The following CNTFR variants were observed in gnomAD, a reference collection of about 807,000 sequenced individuals.
CNTFR encodes ciliary neurotrophic factor receptor.
In CNTFR, 12 loss-of-function variants were observed where a neutral mutation model predicts 40.4. That is an observed-to-expected ratio of 0.30 (90% CI 0.19 to 0.48). The LOEUF (loss-of-function observed/expected upper bound fraction) is 0.48. Among genes scored for constraint, CNTFR ranks in the 20% least tolerant of loss-of-function variants. The pLI, the probability that CNTFR is intolerant of heterozygous loss-of-function variation, is 0.99. For missense variants in CNTFR, 414 were observed against 506.8 expected (o/e 0.82, Z 1.76); for synonymous variants, 202 against 209.6 (o/e 0.96, Z 0.31).
chr9:34,574,877 C>T (rs1227030964), intron 2 of CNTFR, among the ~76,000 whole-genome samples: 2 of 152,208 alleles, frequency 1.3e-5, no homozygotes, highest in Non-Finnish European at 2.9e-5. Flanking sequence ...GCCTGGGGCC[C>T]TCCCATGATG....
chr9:34,571,885 G>C (rs1362219469), intron 2 of CNTFR, among the ~76,000 whole-genome samples: 7 of 151,994 alleles, frequency 4.6e-5, no homozygotes, highest in African/African-American at 7.3e-5. Context: ...AAATAGAAGA[G>C]ACGCAGGGGA....
At chr9:34,585,396 G>A (rs770891001) in intron 1 of CNTFR, among the ~76,000 whole-genome samples, 29 of 152,174 alleles carry the variant, frequency 1.9e-4, no homozygotes, top group Admixed American at 5.2e-4. Flanking sequence ...AGCCCAAGAC[G>A]GGCCCTCGAG....
At chr9:34,562,095 A>G (rs62559937) in intron 4 of CNTFR, among the ~76,000 whole-genome samples, 21,238 of 152,234 alleles carry the variant, frequency 0.14, 1,583 homozygotes, top group Middle Eastern at 0.19. Context: ...ATGGGGGTCC[A>G]GGGTCATCAA....
chr9:34,562,043 T>G (rs1826097456), intron 4 of CNTFR, among the ~76,000 whole-genome samples: 1 of 152,164 alleles, frequency 6.6e-6, no homozygotes, highest in Non-Finnish European at 1.5e-5. Flanking sequence ...CAAGACCCAA[T>G]TCCCCTCCAA....
Position 34,557,279 on chromosome 9 carries a change from G to C in CNTFR, c.604+247C>G, listed in dbSNP as rs559571771. Among the ~76,000 whole-genome samples, 1 of 152,312 alleles carries C rather than the reference G, an allele frequency of 6.6e-6. No individual in the cohort carries two copies. The highest frequency in any genetic ancestry group is 1.9e-4 in the East Asian group (1 of 5,188). On this transcript the variant is annotated intron_variant, in intron 6 of 9. Coordinates refer to ENST00000378980, the MANE Select transcript of CNTFR (RefSeq NM_147164.3). The surrounding 1 kb of genome is among the most constrained non-coding windows in gnomAD (Gnocchi z 4.2). ...CCCCTGCTGCATGTTCTGGGAGCCA[G>C]AAAAATGATCGAAAGAGCTGCTGGA... is the stretch of plus-strand genomic sequence containing the variant.
At chr9:34,560,549 A>G (rs780445557) in intron 4 of CNTFR, among the ~76,000 whole-genome samples, 41 of 152,252 alleles carry the variant, frequency 2.7e-4, no homozygotes, top group South Asian at 1.4e-3. Flanking sequence ...GTGATGGAGC[A>G]TAGTGAGGCT....
intron 7 of CNTFR, among the ~76,000 whole-genome samples, chr9:34,553,063 T>C (rs1461468799): frequency 6.6e-6 from 1 of 152,102 alleles, no homozygotes; most frequent in Non-Finnish European, 1.5e-5. Flanking sequence ...GGAGGGGAGT[T>C]GTCCCTGAAG....
intron 2 of CNTFR, 26 bp downstream of exon 2, chr9:34,581,069 T>G (rs1181717226): frequency 2.0e-5 from 3 of 152,616 alleles, no homozygotes; most frequent in Non-Finnish European, 2.9e-5. Context: ...GAGATTGATC[T>G]GCCCCACGTG....
At position 34,557,607 on chromosome 9, in the gene CNTFR, T is replaced by C; in HGVS notation, c.523A>G (p.Ile175Val). ...HIRYMHLFST[I>V]KYKVSISVSN... is the part of the protein sequence containing the mutation. ...ACACTTATGGAGACCTTGTACTTGA[T>C]GGTGGAGAACAGGTGCATGTAGCGA... Residue 175 changes from isoleucine (I) to valine (V), a missense_variant, in exon 6 of 10, where the codon ATC becomes GTC. This residue lies in a region of CNTFR where 250 missense variants were observed against 269.5 expected (regional missense o/e 0.93). Coordinates refer to ENST00000378980, the MANE Select transcript of CNTFR (RefSeq NM_147164.3). The surrounding 1 kb of genome is among the most constrained non-coding windows in gnomAD (Gnocchi z 4.2). 3 of 1,614,170 alleles carry C rather than the reference T, an allele frequency of 1.9e-6. No individual in the cohort carries two copies. Among genetic ancestry groups the C allele is most frequent in the Non-Finnish European group, 2.5e-6 (3 of 1,180,016 alleles).
At chr9:34,578,466 T>C (rs1371999683) in intron 2 of CNTFR, among the ~76,000 whole-genome samples, 2 of 152,096 alleles carry the variant, frequency 1.3e-5, no homozygotes, top group Non-Finnish European at 2.9e-5. Flanking sequence ...TCCTTTCCCC[T>C]CCCAAGGAGA....
At chr9:34,580,441 G>C (rs1367219714) in intron 2 of CNTFR, among the ~76,000 whole-genome samples, 2 of 152,132 alleles carry the variant, frequency 1.3e-5, no homozygotes, top group Non-Finnish European at 2.9e-5. Flanking sequence ...ACAACAACCT[G>C]GTCCTAGTTG....
At chr9:34,553,760 G>A (rs1304769803) in intron 7 of CNTFR, among the ~76,000 whole-genome samples, 1 of 152,216 alleles carries the variant, frequency 6.6e-6, no homozygotes, top group Non-Finnish European at 1.5e-5. Flanking sequence ...CCTGTCCGGC[G>A]CCCCTTCCAG....
In CNTFR at chr9:34,564,181, C is replaced by T. The variant is rs73486522; in HGVS notation, c.319+418G>A. Among the ~76,000 whole-genome samples the T allele has an allele frequency of 6.3e-3, 967 of 152,300 alleles. 9 individuals are homozygous for T. The highest frequency in any genetic ancestry group is 0.022 in the African/African-American group (916 of 41,560). ...TCCTGGAGCGCCTTGCCTGTACCTGCATAACCACATATCCCACTTCCCTCC... is the reference window on the plus strand; with the variant it reads ...TCCTGGAGCGCCTTGCCTGTACCTGTATAACCACATATCCCACTTCCCTCC... On this transcript the variant is annotated intron_variant, in intron 4 of 9. Transcript: ENST00000378980.
In CNTFR at chr9:34,564,687, A is replaced by C. The variant is rs1371061482; in HGVS notation, c.231T>G (p.His77Gln). ...GGCCACTGTGGCCCAGTTCCAGGCC[A>C]TGGAGCACCAGCTGAGAGCCGTTGA... ...DLLNGSQLVLHGLELGHSGLY... is the reference protein window; with the variant it reads ...DLLNGSQLVLQGLELGHSGLY... The change falls in exon 4 of 10, where the codon CAT becomes CAG. Residue 77 changes from histidine (H) to glutamine (Q), a missense_variant. His to Gln is a conservative substitution (Grantham distance 24). Around this residue, in one of 3 missense-constraint regions of CNTFR, gnomAD observed 250 missense variants for 269.5 expected, o/e 0.93. Transcript: ENST00000378980. The C allele has an allele frequency of 6.2e-7, 1 of 1,614,068 alleles. No homozygotes were observed. The highest frequency in any genetic ancestry group is 8.5e-7 in the Non-Finnish European group (1 of 1,179,978).
intron 3 of CNTFR, among the ~76,000 whole-genome samples, chr9:34,565,060 A>G (rs1587135409): frequency 6.6e-6 from 1 of 152,252 alleles, no homozygotes; most frequent in East Asian, 1.9e-4. Flanking sequence ...GAGCATGTAC[A>G]GGGGCTAGGT....
intron 6 of CNTFR, among the ~76,000 whole-genome samples, 194 bp from the exon 7 acceptor site, chr9:34,556,612 CCAT>C (rs1432227520): frequency 4.6e-5 from 7 of 152,156 alleles, no homozygotes; most frequent in East Asian, 3.9e-4. Context: ...TCTGATATCC[CCAT>C]CATCACTAAT....
At chr9:34,571,972 C>A (rs924785156) in intron 2 of CNTFR, among the ~76,000 whole-genome samples, 5 of 151,910 alleles carry the variant, frequency 3.3e-5, no homozygotes, top group Admixed American at 1.3e-4. Flanking sequence ...GAGAGGAGAC[C>A]CCTGGCAGGG....
At chr9:34,555,586 T>C (rs1782011375) in intron 7 of CNTFR, among the ~76,000 whole-genome samples, 1 of 151,966 alleles carries the variant, frequency 6.6e-6, no homozygotes, top group South Asian at 2.1e-4. Flanking sequence ...ATACTGACCC[T>C]TGTCCACTGC....
chr9:34,558,067 C>A, intron 4 of CNTFR, 83 bp from the exon 5 acceptor site: 1 of 963,096 alleles, frequency 1.0e-6, no homozygotes, highest in Non-Finnish European at 1.5e-6. Context: ...GCCCCAGAGC[C>A]CCAGCTCTCC....
Sources: gnomAD v4.1 joint callset for allele counts (sites outside exome capture counted in the v4.1 genomes callset) on GRCh38, gnomAD v4.1.1 for gene constraint, gnomAD v4.1.1 regional missense constraint, Gnocchi (gnomAD v3.1) non-coding constraint, MANE v1.5 for transcripts, NCBI Gene and HGNC (gene_info 2026-07-23, HGNC 2026-07-21) for gene names.